HIVEP3: variants seen among roughly 807,000 people sequenced by gnomAD.
HIVEP3 encodes the protein transcription factor HIVEP3.
A neutral mutation model predicts 152.8 loss-of-function variants in HIVEP3; 49 were observed. The observed-to-expected ratio is 0.32, with a 90% CI of 0.26 to 0.41. HIVEP3 has a LOEUF of 0.41. Ranked by LOEUF, HIVEP3 falls within the 10% of genes least tolerant of loss-of-function variation. HIVEP3 has a pLI of 1.00. For missense variants in HIVEP3, 2,790 were observed against 3,103.3 expected, an observed-to-expected ratio of 0.90 and a Z score of 2.40; for synonymous variants, 1,269 against 1,289.0, an observed-to-expected ratio of 0.98 and a Z score of 0.33.
intron 5 of HIVEP3, among the ~76,000 whole-genome samples, chr1:41,538,663 G>A (rs1026922242): frequency 6.6e-6 from 1 of 152,168 alleles, no homozygotes; most frequent in Non-Finnish European, 1.5e-5. Context: ...TGACTTCTGG[G>A]TGACGAAGAG....
intron 1 of HIVEP3, among the ~76,000 whole-genome samples, chr1:41,753,546 T>C (rs1276065200): frequency 1.3e-5 from 2 of 152,056 alleles, no homozygotes; most frequent in African/African-American, 4.8e-5. Context: ...CATGTGCCTG[T>C]AATCCCAACT....
At chr1:41,893,440 C>T (rs1644478105) in intron 1 of HIVEP3, among the ~76,000 whole-genome samples, 1 of 152,148 alleles carries the variant, frequency 6.6e-6, no homozygotes, top group Non-Finnish European at 1.5e-5. Context: ...TTTTGGTTGT[C>T]ACATCTGGGG....
At chr1:41,744,489 G>A (rs919043115) in intron 1 of HIVEP3, among the ~76,000 whole-genome samples, 3 of 152,260 alleles carry the variant, frequency 2.0e-5, no homozygotes, top group African/African-American at 7.2e-5. Context: ...GTGCTGGCCA[G>A]ATGGGAGACT....
In HIVEP3 at chr1:41,614,447, C is replaced by T. The variant is rs1399521209; in HGVS notation, c.-522+14302G>A. On this transcript the variant is annotated intron_variant, in intron 3 of 8. Coordinates refer to ENST00000372583, the MANE Select transcript of HIVEP3 (RefSeq NM_024503.5). ...CCCAACTGCTTTGCCACCCTTTCTG[C>T]CTAAGGCAAGCCTCCTTTCTGCAGG... is the stretch of plus-strand genomic sequence containing the variant. Among the ~76,000 whole-genome samples, 8 of 152,188 alleles carry T rather than the reference C, an allele frequency of 5.3e-5. 1 individual carries two copies. The highest frequency in any genetic ancestry group is 8.8e-5 in the Non-Finnish European group (6 of 68,034).
At chr1:41,998,240 A>C (rs77641694) in intron 1 of HIVEP3, among the ~76,000 whole-genome samples, 2,305 of 152,268 alleles carry the variant, frequency 0.015, 55 homozygotes, top group African/African-American at 0.054. Flanking sequence ...AGTTCATGTC[A>C]AAAAAGTTCA....
chr1:41,519,542 G>A (rs1315823388), intron 6 of HIVEP3, among the ~76,000 whole-genome samples: 1 of 152,228 alleles, frequency 6.6e-6, no homozygotes, highest in African/African-American at 2.4e-5. Flanking sequence ...TTGCCCTGGG[G>A]ATGGCTATAT....
intron 1 of HIVEP3, among the ~76,000 whole-genome samples, chr1:41,987,170 G>A (rs1183133045): frequency 1.3e-5 from 2 of 152,146 alleles, no homozygotes; most frequent in Admixed American, 6.6e-5. Context: ...ACAAGATAGT[G>A]ATAAATCTAT....
At chr1:41,700,568 G>A (rs567657751) in intron 2 of HIVEP3, among the ~76,000 whole-genome samples, 3 of 152,188 alleles carry the variant, frequency 2.0e-5, no homozygotes, top group East Asian at 1.9e-4. Context: ...TGGGTTCACC[G>A]AGTCCCACTC....
intron 1 of HIVEP3, among the ~76,000 whole-genome samples, chr1:42,034,855 G>C (rs145880992): frequency 2.0e-5 from 3 of 152,094 alleles, no homozygotes; most frequent in African/African-American, 7.2e-5. Flanking sequence ...ATAAACTGAA[G>C]ACCCTCAATA....
intron 1 of HIVEP3, among the ~76,000 whole-genome samples, chr1:41,794,699 C>G (rs538855766): frequency 5.3e-5 from 8 of 152,282 alleles, no homozygotes; most frequent in African/African-American, 1.9e-4. Context: ...TTTCTTATTA[C>G]TAGGCAAACT....
chr1:41,853,435 T>A (rs1418828580), intron 1 of HIVEP3, among the ~76,000 whole-genome samples: 1 of 152,048 alleles, frequency 6.6e-6, no homozygotes, highest in Non-Finnish European at 1.5e-5. Context: ...GGAAGGAGAA[T>A]GAAAGCAGGA....
chr1:41,736,266 A>T (rs867378861), intron 1 of HIVEP3, among the ~76,000 whole-genome samples: 1 of 152,168 alleles, frequency 6.6e-6, no homozygotes, highest in Non-Finnish European at 1.5e-5. Flanking sequence ...TTCCAATTGC[A>T]TCCCCCGTGG....
chr1:41,681,706 G>A (rs1313043798), intron 2 of HIVEP3, among the ~76,000 whole-genome samples: 1 of 152,182 alleles, frequency 6.6e-6, no homozygotes, highest in Admixed American at 6.5e-5. Flanking sequence ...CTAATGGGAT[G>A]GGCAAGTGAT....
At chr1:41,588,577 T>G (rs1644539295) in intron 3 of HIVEP3, among the ~76,000 whole-genome samples, 1 of 151,880 alleles carries the variant, frequency 6.6e-6, no homozygotes, top group African/African-American at 2.4e-5. Flanking sequence ...CATCATCAGA[T>G]GACTACAGGG....
intron 4 of HIVEP3, among the ~76,000 whole-genome samples, chr1:41,576,235 G>C (rs1208069887): frequency 6.6e-6 from 1 of 152,216 alleles, no homozygotes; most frequent in Admixed American, 6.5e-5. Context: ...TCCTGAGCTA[G>C]TACCAAAGGC....
At chr1:41,656,014 T>C (rs1645623818) in intron 2 of HIVEP3, among the ~76,000 whole-genome samples, 2 of 152,160 alleles carry the variant, frequency 1.3e-5, no homozygotes, top group Admixed American at 6.5e-5. Context: ...GCCCTTTGGG[T>C]CTTCTTTAAG....
intron 1 of HIVEP3, among the ~76,000 whole-genome samples, chr1:42,015,460 T>C (rs1453178785): frequency 2.6e-5 from 4 of 152,176 alleles, no homozygotes; most frequent in Non-Finnish European, 5.9e-5. Flanking sequence ...GTCACTGCCC[T>C]TCAGAATTCA....
At chr1:41,654,600 A>G (rs1158266700) in intron 2 of HIVEP3, among the ~76,000 whole-genome samples, 1 of 152,266 alleles carries the variant, frequency 6.6e-6, no homozygotes, top group Non-Finnish European at 1.5e-5. Flanking sequence ...GTCAGAACTA[A>G]GACATTAACA....
chr1:41,677,779 A>T (rs1287057668), intron 2 of HIVEP3, among the ~76,000 whole-genome samples: 1 of 152,242 alleles, frequency 6.6e-6, no homozygotes, highest in African/African-American at 2.4e-5. Flanking sequence ...TTCCCCGCAC[A>T]TCGGGCGGTC....
Sources: allele counts gnomAD v4.1 joint callset (sites outside exome capture counted in the v4.1 genomes callset), GRCh38; gene constraint gnomAD v4.1.1; transcripts MANE v1.5; gene names NCBI Gene and HGNC (gene_info 2026-07-23, HGNC 2026-07-21).